SP3: variants seen among roughly 807,000 people sequenced by gnomAD.
SP3 encodes the protein transcription factor Sp3.
SP3 carries 10 observed loss-of-function variants against 70.3 expected under a neutral mutation model. The ratio of observed to expected loss-of-function variants is 0.14; its 90% CI spans 0.09 to 0.24. The LOEUF (loss-of-function observed/expected upper bound fraction) is 0.24. SP3 is among the 10% of genes least tolerant of loss of function. The pLI, the probability that SP3 is intolerant of heterozygous loss-of-function variation, is 1.00. For synonymous variants in SP3, 402 were observed against 333.5 expected, an observed-to-expected ratio of 1.21 and a Z score of -2.24; for missense variants, 825 against 914.6, an observed-to-expected ratio of 0.90 and a Z score of 1.26.
intron 4 of SP3, among the ~76,000 whole-genome samples, chr2:173,953,889 T>C (rs781332884): frequency 4.6e-5 from 7 of 152,148 alleles, no homozygotes; most frequent in Non-Finnish European, 1.0e-4. Context: ...AATTAAAGGA[T>C]TTCCAAATAC....
chr2:173,947,660 G>C (rs1157629888), intron 4 of SP3, among the ~76,000 whole-genome samples: 1 of 152,130 alleles, frequency 6.6e-6, no homozygotes, highest in Non-Finnish European at 1.5e-5. Flanking sequence ...GTCTTCAACA[G>C]AATGTTTTGT....
At chr2:173,926,829 C>A (rs1689924168) in intron 4 of SP3, among the ~76,000 whole-genome samples, 1 of 152,062 alleles carries the variant, frequency 6.6e-6, no homozygotes, top group Non-Finnish European at 1.5e-5. Flanking sequence ...ATAGCCATGA[C>A]AGAACAGATT....
chr2:173,959,691 T>C (rs890180218), intron 3 of SP3, among the ~76,000 whole-genome samples: 8 of 151,888 alleles, frequency 5.3e-5, no homozygotes, highest in Admixed American at 2.6e-4. Flanking sequence ...AAGGCGGAGA[T>C]TGCAGTGAGC....
chr2:173,965,408 C>G (rs1482628281), upstream of SP3: 2 of 557,960 alleles, frequency 3.6e-6, no homozygotes, highest in Admixed American at 3.4e-5. Flanking sequence ...CTTCTTGGCT[C>G]TCATTCGCCG....
chr2:173,957,417 A>T (rs1260025902), intron 3 of SP3, among the ~76,000 whole-genome samples: 1 of 152,200 alleles, frequency 6.6e-6, no homozygotes, highest in Non-Finnish European at 1.5e-5. Context: ...TTTCATACAG[A>T]GATAAAGTAG....
Position 173,905,927 on chromosome 2 carries a change from T to C in SP3, c.*4014A>G, listed in dbSNP as rs1396366136. On this transcript the variant is annotated 3_prime_UTR_variant, in exon 7 of 7. Transcript: ENST00000310015. ...AGTGGGGAGGATTGCTTGAGACCAG[T>C]AAGTGGAGTCTGCAGTAAGCCATGA... 6.6e-6 allele frequency among the ~76,000 whole-genome samples: 1 copy of C among 152,120 alleles called. No homozygotes were observed. Among genetic ancestry groups the C allele is most frequent in the African/African-American group, 2.4e-5 (1 of 41,436 alleles).
chr2:173,954,439 G>C (rs1690814894), intron 4 of SP3, among the ~76,000 whole-genome samples: 1 of 152,072 alleles, frequency 6.6e-6, no homozygotes, highest in African/African-American at 2.4e-5. Context: ...CACACACCTA[G>C]CAAGTGGCTG....
chr2:173,933,135 C>A (rs919623875), intron 4 of SP3, among the ~76,000 whole-genome samples: 2 of 152,030 alleles, frequency 1.3e-5, no homozygotes, highest in African/African-American at 4.8e-5. Context: ...CCACATTCTT[C>A]ATTTTTTTTT....
At position 173,906,718 on chromosome 2, in the gene SP3, C is replaced by T. The variant is rs1689334536; in HGVS notation, c.*3223G>A. The T allele has an allele frequency of 6.6e-6, 1 of 152,146 alleles. No individual in the cohort carries two copies. Among genetic ancestry groups the T allele is most frequent in the African/African-American group, 2.4e-5 (1 of 41,424 alleles). 9.4% of individuals were successfully genotyped at this position (152,146 alleles called of 1,614,324 possible). ...GTAGGCAGTACTGGAATTTAAACTA[C>T]AATTAAGAGCCTAAGGGGATGCTTG... On this transcript the variant is annotated 3_prime_UTR_variant, in exon 7 of 7. Transcript: ENST00000310015.
Position 173,964,435 on chromosome 2 carries a change from G to A in SP3, c.126C>T (p.Asn42=), listed in dbSNP as rs1284425476. ...EYLQQQQQHG[N]GAVAAAAAAQ... The stretch of plus-strand genomic sequence containing the variant: ...CCGCCGCTGCCGCCGCCACCGCACC[G>A]TTTCCGTGCTGTTGCTGCTGCTGCA... Residue 42 remains asparagine, a synonymous_variant, in exon 2 of 7, where the codon AAC becomes AAT. Transcript: ENST00000310015. 11 of 734,002 alleles carry A rather than the reference G, an allele frequency of 1.5e-5. No homozygotes were observed. Among genetic ancestry groups the A allele is most frequent in the Non-Finnish European group, 2.3e-5 (9 of 399,794 alleles). The allele number at this position is 734,002 out of a possible 1,614,324, so 45.5% of individuals were successfully genotyped here.
At chr2:173,929,856 T>C (rs1266715738) in intron 4 of SP3, among the ~76,000 whole-genome samples, 4 of 152,238 alleles carry the variant, frequency 2.6e-5, no homozygotes, top group East Asian at 1.9e-4. Context: ...CAAGCAGTTA[T>C]ACTTTATTCA....
intron 4 of SP3, among the ~76,000 whole-genome samples, chr2:173,921,797 T>A (rs1689761137): frequency 6.6e-6 from 1 of 152,164 alleles, no homozygotes; most frequent in Admixed American, 6.5e-5. Flanking sequence ...AGGAGGTGAT[T>A]GGATCATGGG....
At chr2:173,947,345 CCTAAGCATATTA>C (rs1160058726) in intron 4 of SP3, among the ~76,000 whole-genome samples, 2 of 152,038 alleles carry the variant, frequency 1.3e-5, no homozygotes, top group Non-Finnish European at 2.9e-5. Context: ...TGGGTAAATT[CCTAAGCATATTA>C]CTATTTGCTC....
intron 4 of SP3, among the ~76,000 whole-genome samples, chr2:173,920,309 T>C (rs1689717476): frequency 6.6e-6 from 1 of 152,182 alleles, no homozygotes; most frequent in African/African-American, 2.4e-5. Context: ...AGACGTATTT[T>C]CATTTCAGAG....
chr2:173,949,876 T>C (rs1157102197), intron 4 of SP3, among the ~76,000 whole-genome samples: 1 of 152,210 alleles, frequency 6.6e-6, no homozygotes, highest in African/African-American at 2.4e-5. Context: ...AGATTAACTG[T>C]ATTTTAGATA....
At position 173,910,121 on chromosome 2, in the gene SP3, C is replaced by T. The variant is rs776089745; in HGVS notation, c.2166G>A (p.Ala722=). 9.9e-6 allele frequency: 16 copies of T among 1,612,198 alleles called. No individual in the cohort carries two copies. The highest frequency in any genetic ancestry group is 8.9e-5 in the East Asian group (4 of 44,838). ...CTGCAGTAATCAAAGTATCATCTCGCGCAGCTTCCACAGATGCCAGCACTG... is the reference window on the plus strand; with the variant it reads ...CTGCAGTAATCAAAGTATCATCTCGTGCAGCTTCCACAGATGCCAGCACTG... The part of the protein sequence containing the change: ...SSTVLASVEA[A]RDDTLITAGG... The change falls in exon 7 of 7, where the codon GCG becomes GCA. Residue 722 remains alanine, a synonymous_variant. Coordinates refer to ENST00000310015, the MANE Select transcript of SP3 (RefSeq NM_003111.5).
intron 4 of SP3, among the ~76,000 whole-genome samples, chr2:173,932,858 G>A (rs1172593305): frequency 1.3e-5 from 2 of 152,110 alleles, no homozygotes; most frequent in East Asian, 1.9e-4. Context: ...CAGGCTTGGC[G>A]GTGGGGTCCT....
chr2:173,937,098 C>A (rs1690230666), intron 4 of SP3, among the ~76,000 whole-genome samples: 1 of 152,156 alleles, frequency 6.6e-6, no homozygotes, highest in African/African-American at 2.4e-5. Context: ...ATACATACTT[C>A]TACAGACAAT....
At chr2:173,914,406 A>G (rs1356306621) in intron 5 of SP3, 1 of 152,078 alleles carries the variant, frequency 6.6e-6, no homozygotes, top group Non-Finnish European at 1.5e-5. Context: ...TCGTTTTTCA[A>G]ATTTACTGGA....
Sources: allele counts gnomAD v4.1 joint callset (sites outside exome capture counted in the v4.1 genomes callset), GRCh38; gene constraint gnomAD v4.1.1; transcripts MANE v1.5; gene names NCBI Gene and HGNC (gene_info 2026-07-23, HGNC 2026-07-21).